The following PTPRK variants were observed in gnomAD, a reference collection of about 807,000 sequenced individuals.
The protein encoded by PTPRK is receptor-type tyrosine-protein phosphatase kappa.
A neutral mutation model predicts 178.0 loss-of-function variants in PTPRK; 75 were observed. That is an observed-to-expected ratio of 0.42 (90% confidence interval 0.35 to 0.51). The LOEUF is 0.51. PTPRK is among the 20% of genes least tolerant of loss of function. The pLI, the probability that PTPRK is intolerant of heterozygous loss-of-function variation, is 0.02. For missense variants in PTPRK, 1,441 were observed against 1,797.8 expected (o/e 0.80, Z 3.59); for synonymous variants, 637 against 620.6 (o/e 1.03, Z -0.39).
intron 24 of PTPRK, 125 bp downstream of exon 24, chr6:127,982,705 AC>A: frequency 2.8e-6 from 2 of 714,348 alleles, no homozygotes; most frequent in South Asian, 4.8e-5. Context: ...TGAAAGAGAT[AC>A]GTATTGTATT....
chr6:128,211,032 G>A (rs1808058383), intron 6 of PTPRK, among the ~76,000 whole-genome samples: 5 of 152,044 alleles, frequency 3.3e-5, no homozygotes, highest in Admixed American at 1.3e-4. Context: ...AAAGTTATGT[G>A]CCTATAACAA....
chr6:128,067,538 G>A lies in PTPRK; in HGVS notation c.2138C>T (p.Ala713Val), dbSNP rs139493141. Residue 713 changes from alanine to valine, a missense_variant, in exon 12 of 30, where the codon GCG becomes GTG. Transcript: ENST00000368226. ...GCTCACCTTCTCCACACTGCTCATC[G>A]CCTGGAAATAGATGTTGTATCCTTT... ...PRKGYNIYFQ[A>V]MSSVEKETKT... The A allele has an allele frequency of 2.6e-6, 4 of 1,563,508 alleles. No individual in the cohort carries two copies. Among genetic ancestry groups the A allele is most frequent in the African/African-American group, 2.7e-5 (2 of 73,862 alleles).
At chr6:128,350,671 T>C (rs1832999992) in intron 2 of PTPRK, among the ~76,000 whole-genome samples, 1 of 152,238 alleles carries the variant, frequency 6.6e-6, no homozygotes, top group Admixed American at 6.5e-5. Context: ...CTAGTTACTC[T>C]AGAATAACTT....
chr6:128,325,720 G>A (rs1157365355), intron 2 of PTPRK, among the ~76,000 whole-genome samples: 1 of 152,164 alleles, frequency 6.6e-6, no homozygotes, highest in African/African-American at 2.4e-5. Flanking sequence ...CACTGTTGGT[G>A]GGAGTGTAAA....
intron 1 of PTPRK, among the ~76,000 whole-genome samples, chr6:128,504,615 T>C (rs146982857): frequency 4.7e-4 from 71 of 152,286 alleles, no homozygotes; most frequent in African/African-American, 1.6e-3. Context: ...AAGGGCACAA[T>C]GTACCTTGCA....
intron 13 of PTPRK, among the ~76,000 whole-genome samples, chr6:128,034,710 T>G (rs2114811064): frequency 6.6e-6 from 1 of 152,256 alleles, no homozygotes; most frequent in Non-Finnish European, 1.5e-5. Flanking sequence ...GTTGTTTTGG[T>G]TTGTTTTGTT....
chr6:128,166,202 G>C (rs993993514), intron 7 of PTPRK, among the ~76,000 whole-genome samples: 1 of 151,656 alleles, frequency 6.6e-6, no homozygotes, highest in Admixed American at 6.6e-5. Flanking sequence ...CATTCCCCTA[G>C]ATAGGCTCCA....
intron 5 of PTPRK, among the ~76,000 whole-genome samples, chr6:128,221,055 T>C (rs1810309153): frequency 1.3e-5 from 2 of 152,204 alleles, no homozygotes; most frequent in African/African-American, 2.4e-5. Flanking sequence ...TAAATGTTAA[T>C]TTAAAAATTC....
intron 11 of PTPRK, among the ~76,000 whole-genome samples, chr6:128,077,661 T>A (rs182157356): frequency 1.3e-5 from 2 of 152,154 alleles, no homozygotes; most frequent in Admixed American, 6.6e-5. Context: ...TACGTGGATT[T>A]CTGTGCCTTC....
intron 3 of PTPRK, among the ~76,000 whole-genome samples, chr6:128,300,138 C>A (rs1488053855): frequency 6.6e-6 from 1 of 152,104 alleles, no homozygotes; most frequent in Non-Finnish European, 1.5e-5. Flanking sequence ...CCATCACGGG[C>A]CAACAGAGGA....
intron 13 of PTPRK, among the ~76,000 whole-genome samples, chr6:128,023,150 T>A (rs1773782469): frequency 6.6e-6 from 1 of 152,216 alleles, no homozygotes. Context: ...AAACCAAGTA[T>A]AATTTGAGAA....
intron 29 of PTPRK, 129 bp from the exon 30 acceptor site, chr6:127,970,409 T>C: frequency 1.6e-6 from 1 of 609,122 alleles, no homozygotes; most frequent in Non-Finnish European, 2.7e-6. Flanking sequence ...TTTCTATATA[T>C]GAGATTAATA....
At chr6:128,314,224 C>T (rs1562266244) in intron 3 of PTPRK, among the ~76,000 whole-genome samples, 1 of 152,094 alleles carries the variant, frequency 6.6e-6, no homozygotes, top group Non-Finnish European at 1.5e-5. Flanking sequence ...TTCTTTAGCA[C>T]TTGTTGTATT....
chr6:128,497,746 A>T (rs2128434865), intron 1 of PTPRK, among the ~76,000 whole-genome samples: 2 of 151,176 alleles, frequency 1.3e-5, no homozygotes, highest in East Asian at 1.9e-4. Context: ...TTGGATCCAA[A>T]TTTTTAAGTA....
At chr6:128,235,506 G>T (rs557192649) in intron 5 of PTPRK, 5 of 417,994 alleles carry the variant, frequency 1.2e-5, no homozygotes, top group Non-Finnish European at 2.5e-5. Context: ...CACAAATTCC[G>T]TATCATTGAA....
chr6:128,015,289 A>G (rs1052187795), intron 13 of PTPRK, among the ~76,000 whole-genome samples: 11 of 151,766 alleles, frequency 7.2e-5, no homozygotes, highest in African/African-American at 2.4e-4. Context: ...GTTTCATAGT[A>G]ATGAAGAAGA....
intron 8 of PTPRK, among the ~76,000 whole-genome samples, chr6:128,084,333 T>C (rs972968412): frequency 2.0e-5 from 3 of 152,188 alleles, no homozygotes; most frequent in African/African-American, 7.2e-5. Flanking sequence ...TGTCCATTAA[T>C]AGCCAACCTT....
chr6:128,270,623 A>T lies in PTPRK; in HGVS notation c.496-28021T>A, dbSNP rs147119746. Among the ~76,000 whole-genome samples, 476 of 152,302 alleles carry T rather than the reference A, an allele frequency of 3.1e-3. 3 individuals carry two copies. Among genetic ancestry groups the T allele is most frequent in the African/African-American group, 0.011 (447 of 41,558 alleles). On this transcript the variant is annotated intron_variant, in intron 3 of 29. Transcript: ENST00000368226. ...CAATTCCAAGCATTTTCCATATACA[A>T]TACAGATACTAGCAATGTCAGAAAC...
intron 6 of PTPRK, among the ~76,000 whole-genome samples, chr6:128,216,469 A>T (rs1809312628): frequency 6.6e-6 from 1 of 151,278 alleles, no homozygotes; most frequent in Non-Finnish European, 1.5e-5. Context: ...CAGGAGGCAG[A>T]GGGGGCAGTA....
Sources: gnomAD v4.1 joint callset for allele counts (sites outside exome capture counted in the v4.1 genomes callset) on GRCh38, gnomAD v4.1.1 for gene constraint, MANE v1.5 for transcripts, NCBI Gene and HGNC (gene_info 2026-07-23, HGNC 2026-07-21) for gene names.